The following HS6ST3 variants were observed in gnomAD, a reference collection of about 807,000 sequenced individuals.
The protein encoded by HS6ST3 is heparan-sulfate 6-O-sulfotransferase 3.
Under a neutral mutation model 36.7 loss-of-function variants are expected in HS6ST3, and 12 were observed. The observed-to-expected ratio is 0.33, with a 90% CI of 0.21 to 0.53. HS6ST3 has a LOEUF of 0.53. Ranked by LOEUF, HS6ST3 falls within the 20% of genes least tolerant of loss-of-function variation. HS6ST3 has a pLI of 0.95. For missense variants in HS6ST3, 584 were observed against 640.9 expected, an observed-to-expected ratio of 0.91 and a Z score of 0.96; for synonymous variants, 240 against 257.5, an observed-to-expected ratio of 0.93 and a Z score of 0.65.
chr13:96,608,727 T>C (rs1468208585), intron 1 of HS6ST3, among the ~76,000 whole-genome samples: 1 of 152,130 alleles, frequency 6.6e-6, no homozygotes, highest in African/African-American at 2.4e-5. Context: ...TAGAGACAGA[T>C]ATTGGAGTGA....
chr13:96,209,038 C>T (rs377635784), intron 1 of HS6ST3, among the ~76,000 whole-genome samples: 24 of 152,108 alleles, frequency 1.6e-4, no homozygotes, highest in African/African-American at 5.6e-4. Flanking sequence ...CAGATAATTT[C>T]GGATTTTGAA....
chr13:96,283,313 T>TTTCCAG (rs552748746), intron 1 of HS6ST3, among the ~76,000 whole-genome samples: 191 of 152,372 alleles, frequency 1.3e-3, no homozygotes, highest in Middle Eastern at 3.4e-3. Context: ...AAGTAAGTCC[T>TTTCCAG]TTCCAGTTCT....
rs188556343 is a variant in HS6ST3, at chr13:96,581,745, A to T, written c.708-250745A>T. ...AAGTAAGTCAAAATAATCTGGATTGAGAAAGAGGAAATATGGATTCATGTA... is the reference window on the plus strand; with the variant it reads ...AAGTAAGTCAAAATAATCTGGATTGTGAAAGAGGAAATATGGATTCATGTA... On this transcript the variant is annotated intron_variant, in intron 1 of 1. Transcript: ENST00000376705. 2.6e-5 allele frequency among the ~76,000 whole-genome samples: 4 copies of T among 152,294 alleles called. No individual in the cohort carries two copies. In the East Asian group the frequency reaches 7.7e-4, roughly 29 times the overall value.
chr13:96,512,936 G>A (rs2056056551), intron 1 of HS6ST3, among the ~76,000 whole-genome samples: 3 of 151,636 alleles, frequency 2.0e-5, no homozygotes, highest in Admixed American at 1.3e-4. Context: ...TACAGGAGGA[G>A]CGATAGTATT....
chr13:96,148,492 A>G (rs149393447), intron 1 of HS6ST3, among the ~76,000 whole-genome samples: 2,085 of 152,318 alleles, frequency 0.014, 39 homozygotes, highest in African/African-American at 0.048. Flanking sequence ...GCTACTTCTG[A>G]CTTCGGACCT....
intron 1 of HS6ST3, among the ~76,000 whole-genome samples, chr13:96,118,379 T>C (rs1298662530): frequency 6.6e-6 from 1 of 152,008 alleles, no homozygotes; most frequent in Admixed American, 6.6e-5. Context: ...ATGAAACCAG[T>C]CATGCCAACA....
chr13:96,527,070 TTA>T (rs1490853887), intron 1 of HS6ST3, among the ~76,000 whole-genome samples: 1 of 145,670 alleles, frequency 6.9e-6, no homozygotes, highest in African/African-American at 2.5e-5. Flanking sequence ...AAATGTAAAA[TTA>T]TATATTGGTT....
intron 1 of HS6ST3, among the ~76,000 whole-genome samples, chr13:96,161,841 G>T (rs573170647): frequency 6.6e-6 from 1 of 152,062 alleles, no homozygotes; most frequent in Non-Finnish European, 1.5e-5. Flanking sequence ...AAAGACCTGC[G>T]GAAGGCTTCC....
chr13:96,360,498 G>A (rs1292015227), intron 1 of HS6ST3, among the ~76,000 whole-genome samples: 1 of 151,880 alleles, frequency 6.6e-6, no homozygotes, highest in Non-Finnish European at 1.5e-5. Flanking sequence ...GAAGGGTGCT[G>A]AAAAAAATTT....
intron 1 of HS6ST3, among the ~76,000 whole-genome samples, chr13:96,370,304 GTT>G (rs2055283349): frequency 6.6e-6 from 1 of 152,102 alleles, no homozygotes; most frequent in African/African-American, 2.4e-5. Context: ...TTTCAAAACT[GTT>G]TATATGCAGC....
chr13:96,322,137 TG>T (rs1006159448), intron 1 of HS6ST3, among the ~76,000 whole-genome samples: 1 of 152,184 alleles, frequency 6.6e-6, no homozygotes, highest in Non-Finnish European at 1.5e-5. Context: ...TCAACCTAAT[TG>T]GTAGTTTCTA....
At chr13:96,500,120 C>T (rs1015888070) in intron 1 of HS6ST3, among the ~76,000 whole-genome samples, 3 of 152,094 alleles carry the variant, frequency 2.0e-5, no homozygotes, top group East Asian at 1.9e-4. Flanking sequence ...AACCACCGAT[C>T]GACTTTCTGC....
chr13:96,191,184 A>G lies in HS6ST3; in HGVS notation c.707+99615A>G, dbSNP rs575453247. ...TCCTCAGTCCATGCCATCACCATTC[A>G]TGGCAGCTTCTGACTGTTTTTTCTG... On this transcript the variant is annotated intron_variant, in intron 1 of 1. Transcript: ENST00000376705. 5.9e-5 allele frequency among the ~76,000 whole-genome samples: 9 copies of G among 152,266 alleles called. No individual in the cohort carries two copies. The South Asian group carries it at 1.7e-3, about 28-fold the overall frequency.
intron 1 of HS6ST3, among the ~76,000 whole-genome samples, chr13:96,720,032 C>T (rs1315587954): frequency 4.6e-5 from 7 of 152,172 alleles, no homozygotes; most frequent in Admixed American, 4.6e-4. Context: ...GGGCTCCAGA[C>T]ACCAAAGCAT....
intron 1 of HS6ST3, among the ~76,000 whole-genome samples, chr13:96,630,607 G>A (rs1453022815): frequency 6.6e-6 from 1 of 151,926 alleles, no homozygotes; most frequent in Admixed American, 6.6e-5. Context: ...GCAGACTCTG[G>A]CTCTTATCTC....
At chr13:96,166,575 CTTT>C (rs765190619) in intron 1 of HS6ST3, among the ~76,000 whole-genome samples, 3 of 131,578 alleles carry the variant, frequency 2.3e-5, no homozygotes, top group Admixed American at 7.6e-5. Context: ...TTCTTTCTTT[CTTT>C]TTTTTTTTTT....
chr13:96,676,161 A>G (rs1566427155), intron 1 of HS6ST3, among the ~76,000 whole-genome samples: 1 of 152,092 alleles, frequency 6.6e-6, no homozygotes, highest in Non-Finnish European at 1.5e-5. Flanking sequence ...TTTTCTTACA[A>G]TTCTGGATGC....
At chr13:96,147,453 T>C (rs2054063770) in intron 1 of HS6ST3, among the ~76,000 whole-genome samples, 1 of 152,246 alleles carries the variant, frequency 6.6e-6, no homozygotes, top group Admixed American at 6.5e-5. Flanking sequence ...TTTTGTTCAA[T>C]GTTGCTTCAT....
At chr13:96,364,627 G>T (rs1402804145) in intron 1 of HS6ST3, among the ~76,000 whole-genome samples, 1 of 152,144 alleles carries the variant, frequency 6.6e-6, no homozygotes, top group African/African-American at 2.4e-5. Flanking sequence ...GAGAGTGATG[G>T]TTTAATGAGT....
Sources: allele counts gnomAD v4.1 joint callset (sites outside exome capture counted in the v4.1 genomes callset), GRCh38; gene constraint gnomAD v4.1.1; transcripts MANE v1.5; gene names NCBI Gene and HGNC (gene_info 2026-07-23, HGNC 2026-07-21).